SPATA6: variants seen among roughly 807,000 people sequenced by gnomAD.
The protein encoded by SPATA6 is spermatogenesis-associated protein 6.
SPATA6 carries 56 observed loss-of-function variants against 65.3 expected under a neutral mutation model. The observed-to-expected ratio is 0.86, with a 90% CI of 0.69 to 1.07. SPATA6 has a LOEUF of 1.07. Ranked by LOEUF, SPATA6 falls within the 50% of genes least tolerant of loss-of-function variation. The pLI is 0.00. For synonymous variants in SPATA6, 199 were observed against 213.2 expected (o/e 0.93, Z 0.58); for missense variants, 590 against 594.8 (o/e 0.99, Z 0.08).
intron 9 of SPATA6, among the ~76,000 whole-genome samples, chr1:48,371,270 TATAGATAGATAGATAGATAGATAG>T (rs59198017): frequency 1.5e-5 from 2 of 131,600 alleles, no homozygotes; most frequent in African/African-American, 2.6e-5. Flanking sequence ...TATGTATCTA[TATAGATAGATAGATAGATAGATAG>T]ATAGATAGAT....
chr1:48,355,031 G>A (rs1646618950), intron 11 of SPATA6, among the ~76,000 whole-genome samples: 1 of 152,002 alleles, frequency 6.6e-6, no homozygotes, highest in Non-Finnish European at 1.5e-5. Context: ...ACTAATCTTA[G>A]TGTCCAGCAC....
rs999127231 is a variant in SPATA6, at chr1:48,432,718, T to C, written c.238+18834A>G. ...ATACAGCTACAATGGAACAGTATGGTAATTTCTGAAAAAAATTAAAAGTAT... is the reference window on the plus strand; with the variant it reads ...ATACAGCTACAATGGAACAGTATGGCAATTTCTGAAAAAAATTAAAAGTAT... On this transcript the variant is annotated intron_variant, in intron 3 of 12. Coordinates refer to ENST00000371847, the MANE Select transcript of SPATA6 (RefSeq NM_019073.4). Among the ~76,000 whole-genome samples the C allele has an allele frequency of 4.6e-5, 7 of 152,212 alleles. No homozygotes were observed. The East Asian group carries it at 1.3e-3, about 29-fold the overall frequency.
intron 1 of SPATA6, among the ~76,000 whole-genome samples, chr1:48,459,273 G>C (rs1261327844): frequency 2.1e-5 from 3 of 143,598 alleles, no homozygotes; most frequent in African/African-American, 5.2e-5. Context: ...AAAAGATAAA[G>C]ACTAATAAAA....
At chr1:48,407,037 TGATA>T in intron 5 of SPATA6, among the ~76,000 whole-genome samples, 1 of 152,312 alleles carries the variant, frequency 6.6e-6, no homozygotes, top group South Asian at 2.1e-4. Flanking sequence ...TTAAATATAA[TGATA>T]GATATGGCTA....
intron 9 of SPATA6, among the ~76,000 whole-genome samples, chr1:48,362,235 C>A (rs1225053059): frequency 2.0e-5 from 3 of 151,668 alleles, no homozygotes; most frequent in South Asian, 2.1e-4. Context: ...GCCTGGGTGA[C>A]ACAGCAACAC....
At chr1:48,411,811 T>C (rs1652262165) in intron 4 of SPATA6, among the ~76,000 whole-genome samples, 1 of 152,158 alleles carries the variant, frequency 6.6e-6, no homozygotes, top group Non-Finnish European at 1.5e-5. Flanking sequence ...TGGTCCAACA[T>C]TTATATGTCA....
chr1:48,470,582 G>A (rs781728649), intron 1 of SPATA6, among the ~76,000 whole-genome samples: 1 of 152,146 alleles, frequency 6.6e-6, no homozygotes, highest in Non-Finnish European at 1.5e-5. Flanking sequence ...CACCACCACT[G>A]CCTCACACTC....
At chr1:48,280,944 G>A in the SPATA6 span, among the ~76,000 whole-genome samples, 1 of 151,982 alleles carries the variant, frequency 6.6e-6, no homozygotes, top group African/African-American at 2.4e-5. Flanking sequence ...ATAAAATACT[G>A]GCAAACCGAA....
intron 11 of SPATA6, among the ~76,000 whole-genome samples, chr1:48,347,027 A>G (rs1213604182): frequency 6.6e-6 from 1 of 152,144 alleles, no homozygotes; most frequent in East Asian, 1.9e-4. Context: ...AAGCAAAAAG[A>G]ACAAAGTCAG....
At chr1:48,415,148 A>G (rs140383724) in intron 3 of SPATA6, among the ~76,000 whole-genome samples, 4 of 151,658 alleles carry the variant, frequency 2.6e-5, no homozygotes, top group Non-Finnish European at 5.9e-5. Context: ...AAATGGTTTT[A>G]AAGGGAATGT....
intron 11 of SPATA6, among the ~76,000 whole-genome samples, chr1:48,335,177 G>T (rs1349707840): frequency 1.3e-5 from 2 of 151,918 alleles, no homozygotes; most frequent in Non-Finnish European, 2.9e-5. Context: ...TGGATAGGAA[G>T]AATAAATATC....
chr1:48,406,250 T>A (rs1651694386), intron 5 of SPATA6, among the ~76,000 whole-genome samples: 1 of 151,944 alleles, frequency 6.6e-6, no homozygotes, highest in South Asian at 2.1e-4. Context: ...AACAAAAGAA[T>A]CCCTTGTTCA....
chr1:48,271,212 G>C, the SPATA6 span, among the ~76,000 whole-genome samples: 1 of 152,076 alleles, frequency 6.6e-6, no homozygotes, highest in Admixed American at 6.6e-5. Flanking sequence ...ATCACCCCTT[G>C]CAGTAGCAGT....
intron 5 of SPATA6, among the ~76,000 whole-genome samples, chr1:48,407,050 T>A (rs1268081311): frequency 6.6e-6 from 1 of 152,220 alleles, no homozygotes; most frequent in East Asian, 1.9e-4. Context: ...TAGATATGGC[T>A]AGATTTAGAA....
chr1:48,459,581 T>C (rs1657267540), intron 1 of SPATA6, among the ~76,000 whole-genome samples: 1 of 152,126 alleles, frequency 6.6e-6, no homozygotes, highest in African/African-American at 2.4e-5. Context: ...ATATAGAAGA[T>C]ATAAGCAATA....
At chr1:48,305,076 G>T (rs1645028390) in intron 12 of SPATA6, among the ~76,000 whole-genome samples, 1 of 152,126 alleles carries the variant, frequency 6.6e-6, no homozygotes, top group Non-Finnish European at 1.5e-5. Context: ...TGTGTAAGGG[G>T]CATAAGGAAA....
At chr1:48,440,960 C>T (rs541904068) in intron 3 of SPATA6, among the ~76,000 whole-genome samples, 1 of 152,288 alleles carries the variant, frequency 6.6e-6, no homozygotes, top group Non-Finnish European at 1.5e-5. Flanking sequence ...ACAAACAAAC[C>T]TTGGCAGTTC....
chr1:48,360,401 G>A (rs72893243), intron 9 of SPATA6, among the ~76,000 whole-genome samples: 3,756 of 152,156 alleles, frequency 0.025, 100 homozygotes, highest in African/African-American at 0.067. Flanking sequence ...ATGCAGGAAA[G>A]GAACTGTAAT....
At chr1:48,400,742 T>TAGGGCAATG in intron 6 of SPATA6, 1 of 1,253,586 alleles carries the variant, frequency 8.0e-7, no homozygotes, top group South Asian at 1.4e-5. Context: ...GAGTTTCAGC[T>TAGGGCAATG]AGGGCAATGG....
Sources: gnomAD v4.1 joint callset for allele counts (sites outside exome capture counted in the v4.1 genomes callset) on GRCh38, gnomAD v4.1.1 for gene constraint, MANE v1.5 for transcripts, NCBI Gene and HGNC (gene_info 2026-07-23, HGNC 2026-07-21) for gene names.